The following CLNK variants were observed in gnomAD, a reference collection of about 807,000 sequenced individuals.
CLNK encodes cytokine-dependent hematopoietic cell linker.
A neutral mutation model predicts 68.6 loss-of-function variants in CLNK; 74 were observed. The observed-to-expected ratio is 1.08, with a 90% CI of 0.89 to 1.31. The LOEUF is 1.31. CLNK is among the 50% of genes most tolerant of loss of function. CLNK has a pLI of 0.00. For missense variants in CLNK, 553 were observed against 515.3 expected, an observed-to-expected ratio of 1.07 and a Z score of -0.71; for synonymous variants, 198 against 172.2, an observed-to-expected ratio of 1.15 and a Z score of -1.17.
At chr4:10,497,294 C>T (rs1489623819) in intron 18 of CLNK, among the ~76,000 whole-genome samples, 3 of 152,072 alleles carry the variant, frequency 2.0e-5, no homozygotes, top group African/African-American at 7.2e-5. Context: ...CAGGATTCTG[C>T]CTTGGATTTC....
intron 2 of CLNK, among the ~76,000 whole-genome samples, chr4:10,629,322 C>A (rs1722797153): frequency 6.6e-6 from 1 of 152,208 alleles, no homozygotes; most frequent in Non-Finnish European, 1.5e-5. Context: ...CCCTCACAGG[C>A]TGTGTGAAGG....
the CLNK span, among the ~76,000 whole-genome samples, chr4:10,707,132 C>A: frequency 6.6e-6 from 1 of 152,144 alleles, no homozygotes; most frequent in South Asian, 2.1e-4. Context: ...AGTCTTTAAA[C>A]CTGGGGTGTC....
At chr4:10,667,472 T>C (rs975260544) in intron 2 of CLNK, among the ~76,000 whole-genome samples, 1 of 151,816 alleles carries the variant, frequency 6.6e-6, no homozygotes, top group Non-Finnish European at 1.5e-5. Flanking sequence ...ACACCACTTT[T>C]GGTGTCCACA....
chr4:10,623,704 A>T (rs1348827181), intron 2 of CLNK, among the ~76,000 whole-genome samples: 1 of 152,284 alleles, frequency 6.6e-6, no homozygotes, highest in African/African-American at 2.4e-5. Flanking sequence ...AATACTTAAA[A>T]GTTTGTGCCC....
chr4:10,644,571 G>A (rs972572060), intron 2 of CLNK, among the ~76,000 whole-genome samples: 2 of 152,150 alleles, frequency 1.3e-5, no homozygotes, highest in Non-Finnish European at 2.9e-5. Context: ...TATAGTAGAG[G>A]CTCAGGCAGA....
chr4:10,580,950 C>T lies in CLNK; in HGVS notation c.112+3977G>A, dbSNP rs182117798. Among the ~76,000 whole-genome samples, 30 of 152,294 alleles carry T rather than the reference C, an allele frequency of 2.0e-4. No individual in the cohort carries two copies. In the South Asian group the frequency reaches 3.1e-3, roughly 16 times the overall value. ...CCTTCGCATTCACTCACCACTCATT[C>T]GTTAACTCATTCAGAGAAATTTCCA... On this transcript the variant is annotated intron_variant, in intron 4 of 18. Coordinates refer to ENST00000226951, the MANE Select transcript of CLNK (RefSeq NM_052964.4).
chr4:10,669,972 T>A (rs539036097), intron 1 of CLNK, among the ~76,000 whole-genome samples: 1 of 152,144 alleles, frequency 6.6e-6, no homozygotes, highest in Non-Finnish European at 1.5e-5. Flanking sequence ...ACTGGAAGGG[T>A]CCTGGACTGG....
chr4:10,675,462 G>A (rs1018359458), intron 1 of CLNK, among the ~76,000 whole-genome samples: 5 of 152,072 alleles, frequency 3.3e-5, no homozygotes, highest in African/African-American at 7.2e-5. Context: ...TGCAACAATC[G>A]CATTTCCTTG....
At chr4:10,613,776 A>T (rs1406056112) in intron 2 of CLNK, among the ~76,000 whole-genome samples, 1 of 152,076 alleles carries the variant, frequency 6.6e-6, no homozygotes. Flanking sequence ...CACAGAATTA[A>T]TCTCTCCTGA....
chr4:10,716,788 G>A, the CLNK span, among the ~76,000 whole-genome samples: 1 of 150,878 alleles, frequency 6.6e-6, no homozygotes, highest in Non-Finnish European at 1.5e-5. Flanking sequence ...CTGCCTCCTG[G>A]GTTCAAGCAA....
the CLNK span, among the ~76,000 whole-genome samples, chr4:10,731,576 T>A: frequency 0.16 from 24,928 of 152,220 alleles, 2,190 homozygotes; most frequent in South Asian, 0.24. Flanking sequence ...TGTTATTCTC[T>A]CTTAAAAGGG....
chr4:10,682,319 A>C (rs1286414838), intron 1 of CLNK, among the ~76,000 whole-genome samples: 1 of 152,158 alleles, frequency 6.6e-6, no homozygotes, highest in East Asian at 1.9e-4. Context: ...TTTCTTTGTC[A>C]TGCTAGGAGG....
At chr4:10,508,172 C>A in intron 16 of CLNK, 136 bp from the exon 17 acceptor site, 1 of 617,702 alleles carries the variant, frequency 1.6e-6, no homozygotes, top group Non-Finnish European at 2.7e-6. Flanking sequence ...CAGTACCTAA[C>A]ATTTAGTCCC....
intron 2 of CLNK, among the ~76,000 whole-genome samples, chr4:10,649,493 G>A (rs1418641850): frequency 6.6e-6 from 1 of 152,036 alleles, no homozygotes; most frequent in Non-Finnish European, 1.5e-5. Context: ...TTGATACAAA[G>A]CTCACATATT....
chr4:10,731,767 A>C, the CLNK span, among the ~76,000 whole-genome samples: 1 of 152,244 alleles, frequency 6.6e-6, no homozygotes. Context: ...TACATGTAGT[A>C]GTATCAGTTA....
chr4:10,537,621 CTTTCTTTCTTTCTTTCTCTT>C (rs1267507699), intron 11 of CLNK, among the ~76,000 whole-genome samples: 31 of 144,250 alleles, frequency 2.1e-4, no homozygotes, highest in African/African-American at 7.0e-4. Flanking sequence ...TTCTCTCTCT[CTTTCTTTCTTTCTTTCTCTT>C]TCTTTCTTTC....
At chr4:10,651,740 A>G (rs1723745798) in intron 2 of CLNK, among the ~76,000 whole-genome samples, 1 of 152,222 alleles carries the variant, frequency 6.6e-6, no homozygotes, top group Admixed American at 6.5e-5. Flanking sequence ...AAAATTCATG[A>G]CAGCAGTAGC....
intron 2 of CLNK, among the ~76,000 whole-genome samples, chr4:10,615,211 G>A (rs1433000184): frequency 1.3e-5 from 2 of 151,904 alleles, no homozygotes; most frequent in African/African-American, 4.8e-5. Context: ...TGGGCGCGGT[G>A]GCTTATGCCT....
chr4:10,532,238 G>A lies in CLNK; in HGVS notation c.630+18C>T. The A allele has an allele frequency of 6.3e-7, 1 of 1,599,994 alleles. No homozygotes were observed. Among genetic ancestry groups the A allele is most frequent in the South Asian group, 1.1e-5 (1 of 90,164 alleles). ...CAAAATTCCCTTCTTTGCTTCCAAG[G>A]ATAAAATTGCTACTTACCTCACTTA... On this transcript the variant is annotated intron_variant, in intron 12 of 18. Transcript: ENST00000226951.
Sources: gnomAD v4.1 joint callset for allele counts (sites outside exome capture counted in the v4.1 genomes callset) on GRCh38, gnomAD v4.1.1 for gene constraint, MANE v1.5 for transcripts, NCBI Gene and HGNC (gene_info 2026-07-23, HGNC 2026-07-21) for gene names.